Variants in TPTE2 observed in about 807,000 individuals in gnomAD.
TPTE2 encodes phosphatidylinositol 3,4,5-trisphosphate 3-phosphatase TPTE2.
TPTE2 carries 53 observed loss-of-function variants against 78.6 expected under a neutral mutation model. The observed-to-expected ratio is 0.67, with a 90% CI of 0.54 to 0.85. The LOEUF is 0.85. TPTE2 is among the 40% of genes least tolerant of loss of function. The pLI, the probability that TPTE2 is intolerant of heterozygous loss-of-function variation, is 0.00. For missense variants in TPTE2, 461 were observed against 623.0 expected (o/e 0.74, Z 2.77); for synonymous variants, 175 against 206.2 (o/e 0.85, Z 1.30).
At chr13:19,428,390 G>A (rs1876304826) in intron 17 of TPTE2, among the ~76,000 whole-genome samples, 1 of 152,130 alleles carries the variant, frequency 6.6e-6, no homozygotes, top group Non-Finnish European at 1.5e-5. Flanking sequence ...AGAGGTTGTG[G>A]TGAGCTGAGA....
intron 15 of TPTE2, among the ~76,000 whole-genome samples, chr13:19,433,909 G>A (rs1453074349): frequency 6.6e-6 from 1 of 152,194 alleles, no homozygotes; most frequent in Non-Finnish European, 1.5e-5. Flanking sequence ...GGAGATGTGT[G>A]GGGACAGTTG....
At position 19,492,972 on chromosome 13, in the gene TPTE2, G is replaced by T. The variant is rs1332363934; in HGVS notation, c.66-69C>A. ...CTAAATTTACTTTTTTGGAAAATTA[G>T]CTTTTATTACTCTAGACAGAAACCA... On this transcript the variant is annotated intron_variant, in intron 2 of 19. Transcript: ENST00000400230. 3 of 1,596,230 alleles carry T rather than the reference G, an allele frequency of 1.9e-6. No individual in the cohort carries two copies. The African/African-American group carries it at 4.0e-5, about 21-fold the overall frequency.
chr13:19,502,532 G>A (rs1437292961), intron 1 of TPTE2, among the ~76,000 whole-genome samples: 1 of 150,200 alleles, frequency 6.7e-6, no homozygotes, highest in Non-Finnish European at 1.5e-5. Context: ...ATCATTCTCA[G>A]TAAACTATCG....
intron 16 of TPTE2, 60 bp from the exon 20 acceptor site, chr13:19,430,607 C>T (rs1876506929): frequency 1.8e-6 from 2 of 1,109,788 alleles, no homozygotes; most frequent in Admixed American, 2.3e-5. Flanking sequence ...CAATATGTCT[C>T]ACCACTTAAC....
chr13:19,470,295 T>G (rs1455465763), intron 6 of TPTE2, among the ~76,000 whole-genome samples: 1 of 152,210 alleles, frequency 6.6e-6, no homozygotes, highest in African/African-American at 2.4e-5. Flanking sequence ...TCTTACGGTT[T>G]TTATCCTTTA....
the TPTE2 span, among the ~76,000 whole-genome samples, chr13:19,555,502 G>C: frequency 6.6e-6 from 1 of 152,104 alleles, no homozygotes; most frequent in Admixed American, 6.5e-5. Context: ...ACTTAATTGG[G>C]AGCAAAAACC....
chr13:19,488,484 G>C (rs1337628717), intron 3 of TPTE2, among the ~76,000 whole-genome samples: 1 of 152,226 alleles, frequency 6.6e-6, no homozygotes, highest in Admixed American at 6.5e-5. Flanking sequence ...AATTATCTCA[G>C]CTAGATCTTC....
chr13:19,537,838 C>T (rs1262329567), upstream of TPTE2, among the ~76,000 whole-genome samples: 1 of 152,032 alleles, frequency 6.6e-6, no homozygotes, highest in Non-Finnish European at 1.5e-5. Flanking sequence ...CTCCTGACCT[C>T]AGGTGATCCA....
chr13:19,497,605 A>G (rs1593399518), intron 1 of TPTE2, among the ~76,000 whole-genome samples: 1 of 104,252 alleles, frequency 9.6e-6, no homozygotes, highest in African/African-American at 2.7e-5. Context: ...TGTTAGAAAG[A>G]AAACTAACAA....
chr13:19,428,732 A>G (rs1876333118), intron 17 of TPTE2, among the ~76,000 whole-genome samples: 1 of 133,886 alleles, frequency 7.5e-6, no homozygotes, highest in South Asian at 2.3e-4. Flanking sequence ...CTGGCTCAGG[A>G]AAAAAAAAAA....
intron 14 of TPTE2, among the ~76,000 whole-genome samples, chr13:19,437,727 C>T (rs1439841309): frequency 1.3e-5 from 2 of 152,064 alleles, no homozygotes; most frequent in Non-Finnish European, 2.9e-5. Flanking sequence ...AATCCTGCCC[C>T]ATCAGGTCTT....
chr13:19,531,327 T>C (rs532586120), intron 1 of TPTE2, among the ~76,000 whole-genome samples: 99 of 152,296 alleles, frequency 6.5e-4, no homozygotes, highest in African/African-American at 2.0e-3. Flanking sequence ...ATTTACATCT[T>C]TATTTTTAGA....
the TPTE2 span, among the ~76,000 whole-genome samples, chr13:19,542,894 G>A: frequency 3.4e-4 from 52 of 151,850 alleles, 1 homozygote; most frequent in Admixed American, 9.2e-4. Flanking sequence ...GGAAGGCTGC[G>A]GTGGGAGAAT....
chr13:19,538,813 A>G (rs1328064757), upstream of TPTE2, among the ~76,000 whole-genome samples: 1 of 152,214 alleles, frequency 6.6e-6, no homozygotes, highest in Non-Finnish European at 1.5e-5. Flanking sequence ...CAATGCACCC[A>G]GCCTGCTTCA....
At chr13:19,440,416 C>T (rs1877412110) in intron 13 of TPTE2, among the ~76,000 whole-genome samples, 1 of 72,018 alleles carries the variant, frequency 1.4e-5, no homozygotes, top group Admixed American at 1.9e-4. Flanking sequence ...TAAAATTCAA[C>T]ATCTTTCTTG....
rs115645980 is a variant in TPTE2 at position 19,455,319 on chromosome 13, C to T, written c.742-4094G>A. On this transcript the variant is annotated intron_variant, in intron 10 of 19. Coordinates refer to ENST00000400230, the Ensembl canonical transcript of TPTE2. ...TGCCTGAGAATAAGGTAGAATCATT[C>T]CATCAATGGTCTCAATTCTTCAACT... Among the ~76,000 whole-genome samples the T allele has an allele frequency of 1.4e-3, 210 of 152,310 alleles. 1 individual carries two copies. The highest frequency in any genetic ancestry group is 4.9e-3 in the African/African-American group (204 of 41,582).
At position 19,503,215 on chromosome 13, in the gene TPTE2, A is replaced by C; in HGVS notation, c.11+9T>G. ...TAGATAAATAAAGACACATGTATGC[A>C]TAACTCACCTTTCATTCATACGTGC... On this transcript the variant is annotated intron_variant, in intron 1 of 19. Coordinates refer to ENST00000400230, the Ensembl canonical transcript of TPTE2. 1 of 1,613,740 alleles carries C rather than the reference A, an allele frequency of 6.2e-7. No individual in the cohort carries two copies. The highest frequency in any genetic ancestry group is 8.5e-7 in the Non-Finnish European group (1 of 1,179,702).
At chr13:19,493,492 T>C (rs368000526) in exon 2 of TPTE2, 1 of 1,612,624 alleles carries the variant, frequency 6.2e-7, no homozygotes, top group African/African-American at 1.3e-5. Context: ...TAAATTCGTT[T>C]GTCTGTGGAC....
At chr13:19,534,933 T>C (rs1871111799) in intron 1 of TPTE2, among the ~76,000 whole-genome samples, 1 of 152,196 alleles carries the variant, frequency 6.6e-6, no homozygotes, top group African/African-American at 2.4e-5. Flanking sequence ...CTGGGCACGG[T>C]GGCTCATGCC....
Sources: gnomAD v4.1 joint callset for allele counts (sites outside exome capture counted in the v4.1 genomes callset) on GRCh38, gnomAD v4.1.1 for gene constraint, MANE v1.5 for transcripts, NCBI Gene and HGNC (gene_info 2026-07-23, HGNC 2026-07-21) for gene names.